The following TRIM29 variants were observed in gnomAD, a reference collection of about 807,000 sequenced individuals.
TRIM29 encodes the protein tripartite motif containing 29.
In TRIM29, 52 loss-of-function variants were observed where a neutral mutation model predicts 57.3. That is an observed-to-expected ratio of 0.91 (90% CI 0.73 to 1.14). The LOEUF (loss-of-function observed/expected upper bound fraction) is 1.14, where lower values mean the gene tolerates loss of function less well. TRIM29 is among the 50% of genes most tolerant of loss of function. The pLI is 0.00. For missense variants in TRIM29, 753 were observed against 774.6 expected (o/e 0.97, Z 0.33); for synonymous variants, 319 against 316.9 (o/e 1.01, Z -0.07).
intron 4 of TRIM29, chr11:120,124,927 G>A (rs923768075): frequency 1.3e-5 from 2 of 152,208 alleles, no homozygotes; most frequent in Admixed American, 6.5e-5. Context: ...TTCACGTCTA[G>A]CAGTCATTAA....
At chr11:120,112,791 G>A (rs1863167926) in intron 8 of TRIM29, among the ~76,000 whole-genome samples, 1 of 152,152 alleles carries the variant, frequency 6.6e-6, no homozygotes, top group African/African-American at 2.4e-5. Flanking sequence ...CGCCACCACA[G>A]CTACTATTTA....
intron 8 of TRIM29, among the ~76,000 whole-genome samples, chr11:120,115,022 A>G (rs1205555586): frequency 6.6e-6 from 1 of 152,180 alleles, no homozygotes; most frequent in African/African-American, 2.4e-5. Flanking sequence ...GAGCTGGCAG[A>G]ACCCAAGCTG....
chr11:120,134,271 A>T (rs2135029835), intron 1 of TRIM29, among the ~76,000 whole-genome samples: 1 of 152,238 alleles, frequency 6.6e-6, no homozygotes, highest in Non-Finnish European at 1.5e-5. Flanking sequence ...GGTAGAGCTG[A>T]GGCCCAGAAG....
Position 120,125,864 on chromosome 11 carries a change from T to C in TRIM29, c.1160A>G (p.Tyr387Cys), listed in dbSNP as rs1377183019. 2.5e-6 allele frequency: 4 copies of C among 1,612,824 alleles called. No individual in the cohort carries two copies. Among genetic ancestry groups the C allele is most frequent in the Admixed American group, 1.7e-5 (1 of 59,904 alleles). The stretch of plus-strand genomic sequence containing the variant: ...GGTGGGCAGGGGTGGGGGGAGAGAG[T>C]AATTGCTCATCAATGCACCAAATTC... ...LQEFGALMSNYSLPPPLPTYH... is the reference protein window; with the variant it reads ...LQEFGALMSNCSLPPPLPTYH... The change falls in exon 4 of 9, where the codon TAC becomes TGC. Residue 387 changes from tyrosine (Y) to cysteine (C), a missense_variant. Tyr to Cys is a radical substitution (Grantham distance 194). Coordinates refer to ENST00000341846, the MANE Select transcript of TRIM29 (RefSeq NM_012101.4).
At chr11:120,117,571 C>T (rs769309315) in intron 7 of TRIM29, 1 of 155,410 alleles carries the variant, frequency 6.4e-6, no homozygotes, top group Non-Finnish European at 1.4e-5. Flanking sequence ...TAGAGCTGTC[C>T]CTGGGATCTT....
At chr11:120,133,828 T>C (rs1188202681) in intron 1 of TRIM29, among the ~76,000 whole-genome samples, 3 of 151,908 alleles carry the variant, frequency 2.0e-5, no homozygotes, top group African/African-American at 7.3e-5. Context: ...AATGGTGGGG[T>C]TGAGAGAGTG....
intron 8 of TRIM29, among the ~76,000 whole-genome samples, chr11:120,114,890 C>G (rs1464164029): frequency 6.6e-6 from 1 of 152,052 alleles, no homozygotes; most frequent in East Asian, 1.9e-4. Flanking sequence ...CCAGTCTCTC[C>G]CACCCCCACA....
intron 8 of TRIM29, chr11:120,113,709 A>G: frequency 2.2e-6 from 1 of 456,148 alleles, no homozygotes; most frequent in South Asian, 1.5e-5. Flanking sequence ...ACAGCTACTT[A>G]CTGGCAAAGC....
rs540989310 is a variant in TRIM29, at chr11:120,112,598, C to A, written c.1705-122G>T. ...ATCCAAGACCCGACAATTCTAGGGGCCTTTTTGGCCTGATCTGCAAGATTT... is the reference window on the plus strand; with the variant it reads ...ATCCAAGACCCGACAATTCTAGGGGACTTTTTGGCCTGATCTGCAAGATTT... On this transcript the variant is annotated intron_variant, in intron 8 of 8. Transcript: ENST00000341846. 848 of 977,882 alleles carry A rather than the reference C, an allele frequency of 8.7e-4. 10 individuals carry two copies. In the African/African-American group the frequency reaches 0.013, roughly 15 times the overall value. 60.6% of individuals were successfully genotyped at this position (977,882 alleles called of 1,614,324 possible).
intron 1 of TRIM29, 161 bp from the exon 2 acceptor site, chr11:120,128,656 T>C: frequency 2.0e-6 from 3 of 1,532,118 alleles, no homozygotes; most frequent in Non-Finnish European, 2.6e-6. Context: ...ACCTCGGATA[T>C]GCCAGGCACC....
intron 8 of TRIM29, among the ~76,000 whole-genome samples, chr11:120,115,012 G>A (rs2134980414): frequency 6.6e-6 from 1 of 152,250 alleles, no homozygotes; most frequent in Non-Finnish European, 1.5e-5. Flanking sequence ...TACAATCCCA[G>A]AGCTGGCAGA....
At chr11:120,121,595 G>A (rs942578429) in intron 5 of TRIM29, 3 of 171,382 alleles carry the variant, frequency 1.8e-5, no homozygotes, top group Admixed American at 5.6e-5. Context: ...TCACAGTGCA[G>A]AGCTGGGAAG....
intron 6 of TRIM29, 54 bp downstream of exon 6, chr11:120,120,519 G>T: frequency 6.5e-7 from 1 of 1,538,128 alleles, no homozygotes; most frequent in Non-Finnish European, 8.9e-7. Flanking sequence ...TGCCCCTCCT[G>T]CCTGCACAGC....
intron 1 of TRIM29, among the ~76,000 whole-genome samples, chr11:120,134,417 G>A (rs896910721): frequency 2.0e-4 from 31 of 152,324 alleles, no homozygotes; most frequent in Non-Finnish European, 3.2e-4. Flanking sequence ...ACAGCTATGC[G>A]TGGGCTGATG....
intron 4 of TRIM29, chr11:120,123,310 CACA>C: frequency 1.5e-6 from 1 of 659,854 alleles, no homozygotes; most frequent in Non-Finnish European, 2.8e-6. Context: ...CGATTGTGTG[CACA>C]ACACTTCCTA....
At chr11:120,130,924 T>C (rs923928140) in intron 1 of TRIM29, among the ~76,000 whole-genome samples, 1 of 152,102 alleles carries the variant, frequency 6.6e-6, no homozygotes, top group Admixed American at 6.5e-5. Context: ...AGATGAAGTG[T>C]GTACACTGTC....
chr11:120,124,259 T>G (rs571717274), intron 4 of TRIM29: 1 of 152,670 alleles, frequency 6.6e-6, no homozygotes, highest in South Asian at 2.1e-4. Flanking sequence ...GCCTGAACAG[T>G]TTCTGCAAGG....
intron 8 of TRIM29, among the ~76,000 whole-genome samples, chr11:120,114,567 A>G (rs1161634793): frequency 6.6e-6 from 1 of 152,228 alleles, no homozygotes; most frequent in African/African-American, 2.4e-5. Context: ...CTCCTGTAGC[A>G]GGGCCTAGAA....
chr11:120,122,013 G>A (rs1161417444), intron 5 of TRIM29: 1 of 450,836 alleles, frequency 2.2e-6, no homozygotes, highest in Non-Finnish European at 4.5e-6. Context: ...GTCAGAGGAG[G>A]GAAAGCCCAA....
Sources: allele counts gnomAD v4.1 joint callset (sites outside exome capture counted in the v4.1 genomes callset), GRCh38; gene constraint gnomAD v4.1.1; transcripts MANE v1.5; gene names NCBI Gene and HGNC (gene_info 2026-07-23, HGNC 2026-07-21).